Variants in VARS1 observed in about 807,000 individuals in gnomAD.
The protein encoded by VARS1 is valine--tRNA ligase.
A neutral mutation model predicts 161.0 loss-of-function variants in VARS1; 92 were observed. The ratio of observed to expected loss-of-function variants is 0.57; its 90% CI spans 0.48 to 0.68. The LOEUF (loss-of-function observed/expected upper bound fraction) is 0.68. VARS1 is among the 30% of genes least tolerant of loss of function. The pLI is 0.00. For missense variants in VARS1, 1,338 were observed against 1,695.9 expected (o/e 0.79, Z 3.71); for synonymous variants, 595 against 682.5 (o/e 0.87, Z 2.00).
intron 2 of VARS1, among the ~76,000 whole-genome samples, chr6:31,794,392 G>A (rs1814116986): frequency 6.6e-6 from 1 of 152,116 alleles, no homozygotes; most frequent in South Asian, 2.1e-4. Flanking sequence ...ATCTGGCAGG[G>A]TTATCTCTCC....
intron 2 of VARS1, among the ~76,000 whole-genome samples, chr6:31,793,519 C>G (rs962536496): frequency 5.3e-5 from 8 of 150,600 alleles, no homozygotes; most frequent in African/African-American, 1.9e-4. Context: ...AAAAAAAAAA[C>G]AAAACACTTC....
chr6:31,794,847 G>A lies in VARS1; in HGVS notation c.371C>T (p.Ser124Leu), dbSNP rs138258006. Residue 124 changes from serine to leucine, a missense_variant, in exon 2 of 30, where the codon TCG becomes TTG. Physicochemically the swap from Ser to Leu is moderately radical, Grantham distance 145. This residue lies in a region of VARS1 where 902 missense variants were observed against 1,090.3 expected (regional missense o/e 0.83). Coordinates refer to ENST00000375663, the MANE Select transcript of VARS1 (RefSeq NM_006295.3). ...ATLPALGLRS[S>L]AQDPQAVLGA... The stretch of plus-strand genomic sequence containing the variant: ...CCCCCTCACCTGGGGGTCCTGGGCC[G>A]AGCTTCGGAGTCCCAGGGCCGGCAG... 5.0e-4 allele frequency: 809 copies of A among 1,604,448 alleles called. No homozygotes were observed. Among genetic ancestry groups the A allele is most frequent in the Non-Finnish European group, 6.7e-4 (792 of 1,173,796 alleles).
Position 31,777,876 on chromosome 6 carries a change from G to A in VARS1, c.3727-214C>T. ...GGGTCTTGCCTTTTTCCACCAAGTG[G>A]TGAGTCCCCAAGAACAAAGGAACCT... On this transcript the variant is annotated intron_variant, in intron 29 of 29. Coordinates refer to ENST00000375663, the MANE Select transcript of VARS1 (RefSeq NM_006295.3). The surrounding 1 kb of genome is among the most constrained non-coding windows in gnomAD (Gnocchi z 5.8). 1.6e-6 allele frequency: 1 copy of A among 608,728 alleles called. No individual in the cohort carries two copies. The highest frequency in any genetic ancestry group is 2.9e-6 in the Non-Finnish European group (1 of 343,148). 37.7% of individuals were successfully genotyped at this position (608,728 alleles called of 1,614,324 possible).
chr6:31,784,121 T>C lies in VARS1; in HGVS notation c.1671+93A>G. On this transcript the variant is annotated intron_variant, in intron 13 of 29. Coordinates refer to ENST00000375663, the MANE Select transcript of VARS1 (RefSeq NM_006295.3). The surrounding 1 kb of genome is among the most constrained non-coding windows in gnomAD (Gnocchi z 6.1). Reference sequence around the variant, plus strand: ...CAGTTTCTAACCCAGTTTCCTCTCCTCAGCCAGGGGCCTAAGTCCAACCCC... The same window carrying C: ...CAGTTTCTAACCCAGTTTCCTCTCCCCAGCCAGGGGCCTAAGTCCAACCCC... 6.9e-7 allele frequency: 1 copy of C among 1,441,410 alleles called. No individual in the cohort carries two copies. The highest frequency in any genetic ancestry group is 9.6e-7 in the Non-Finnish European group (1 of 1,041,888). The allele number at this position is 1,441,410 out of a possible 1,614,324, so 89.3% of individuals were successfully genotyped here.
Position 31,784,804 on chromosome 6 carries a change from AC to A in VARS1, c.1348-91del. ...AGGGCTCCAGTGAGGCCTTGCCCAT[AC>A]AGAGTCCCACTGGCCAGCACAAAGA... is the stretch of plus-strand genomic sequence containing the variant. On this transcript the variant is annotated intron_variant, in intron 10 of 29. Transcript: ENST00000375663. This position sits in a 1 kb window ranked among gnomAD's most constrained non-coding sequence, Gnocchi z 6.1. The A allele has an allele frequency of 1.3e-6, 2 of 1,576,764 alleles. No homozygotes were observed. The highest frequency in any genetic ancestry group is 1.7e-6 in the Non-Finnish European group (2 of 1,158,444).
Position 31,791,727 on chromosome 6 carries a change from AC to A in VARS1, c.982del (p.Val328CysfsTer11). 1.2e-6 allele frequency: 2 copies of A among 1,613,066 alleles called. No individual in the cohort carries two copies. Among genetic ancestry groups the A allele is most frequent in the Non-Finnish European group, 1.7e-6 (2 of 1,180,008 alleles). On this transcript the variant is annotated frameshift_variant, in exon 8 of 30. Transcript: ENST00000375663. LOFTEE classifies it high-confidence loss of function. The surrounding 1 kb of genome is among the most constrained non-coding windows in gnomAD (Gnocchi z 5.0). ...GACACCTCGGGGATTTGCTGCTGACACATTAGGACGCTGATGGTGGAGAAGG... is the reference window on the plus strand; with the variant it reads ...GACACCTCGGGGATTTGCTGCTGACAATTAGGACGCTGATGGTGGAGAAGG... Reference protein sequence around the residue: ...FFKPEYGRPNVSAANPRGVFM... With the variant: ...FFKPEYGRPNXSAANPRGVFM...
In VARS1 at chr6:31,784,351, C is replaced by T. The variant is rs750176228; in HGVS notation, c.1576+43G>A. Reference sequence around the variant, plus strand: ...CTTGTGGTCTTGGCCTTGGCCCCTTCCTGCCACTCCCAGCCCAGGATCCTG... The same window carrying T: ...CTTGTGGTCTTGGCCTTGGCCCCTTTCTGCCACTCCCAGCCCAGGATCCTG... On this transcript the variant is annotated intron_variant, in intron 12 of 29. Transcript: ENST00000375663. This position sits in a 1 kb window ranked among gnomAD's most constrained non-coding sequence, Gnocchi z 6.1. 6 of 1,614,198 alleles carry T rather than the reference C, an allele frequency of 3.7e-6. No individual in the cohort carries two copies. Among genetic ancestry groups the T allele is most frequent in the Admixed American group, 1.7e-5 (1 of 60,028 alleles).
chr6:31,777,711 A>T lies in VARS1; in HGVS notation c.3727-49T>A. ...TGAGGACCCAGGTCCAAGTGAAGAG[A>T]CCCCCAAACACCCAGGACAACAAAG... is the stretch of plus-strand genomic sequence containing the variant. On this transcript the variant is annotated intron_variant, in intron 29 of 29. Coordinates refer to ENST00000375663, the MANE Select transcript of VARS1 (RefSeq NM_006295.3). This position sits in a 1 kb window ranked among gnomAD's most constrained non-coding sequence, Gnocchi z 5.8. 6.3e-7 allele frequency: 1 copy of T among 1,583,776 alleles called. No homozygotes were observed. The highest frequency in any genetic ancestry group is 8.6e-7 in the Non-Finnish European group (1 of 1,162,250).
intron 2 of VARS1, among the ~76,000 whole-genome samples, chr6:31,793,338 C>T (rs984027072): frequency 6.6e-6 from 1 of 151,992 alleles, no homozygotes; most frequent in Non-Finnish European, 1.5e-5. Context: ...CTCATCTCTA[C>T]TAAAAATACA....
chr6:31,783,061 T>C (rs1581641171), intron 14 of VARS1, 35 bp downstream of exon 14: 1 of 1,607,516 alleles, frequency 6.2e-7, no homozygotes, highest in Non-Finnish European at 8.5e-7. Flanking sequence ...AGCTCCAGTC[T>C]TTTCCTCTCC....
rs932437475 is a variant in VARS1, at chr6:31,781,811, C to G, written c.2347+36G>C. 3.1e-6 allele frequency: 5 copies of G among 1,613,004 alleles called. No individual in the cohort carries two copies. Among genetic ancestry groups the G allele is most frequent in the East Asian group, 2.2e-5 (1 of 44,884 alleles). On this transcript the variant is annotated intron_variant, in intron 19 of 29. Transcript: ENST00000375663. This position sits in a 1 kb window ranked among gnomAD's most constrained non-coding sequence, Gnocchi z 6.8. ...TCAGAGGGAGTGGAGCTCTGCCCCCCACAACTCCCTCCAGACCCTCAAAGC... is the reference window on the plus strand; with the variant it reads ...TCAGAGGGAGTGGAGCTCTGCCCCCGACAACTCCCTCCAGACCCTCAAAGC...
At position 31,785,601 on chromosome 6, in the gene VARS1, G is replaced by T; in HGVS notation, c.1233C>A (p.Ala411=). 1 of 1,612,312 alleles carries T rather than the reference G, an allele frequency of 6.2e-7. No homozygotes were observed. The highest frequency in any genetic ancestry group is 8.5e-7 in the Non-Finnish European group (1 of 1,179,692). The change falls in exon 9 of 30, where the codon GCC becomes GCA. Residue 411 remains alanine, a synonymous_variant. Coordinates refer to ENST00000375663, the MANE Select transcript of VARS1 (RefSeq NM_006295.3). This position sits in a 1 kb window ranked among gnomAD's most constrained non-coding sequence, Gnocchi z 6.1. ...TCCACTTCCAGACTTCCTGTAGAAA[G>T]GCCTCGCGGCCCAGCTGGTGCCGGC... ...GLSRHQLGRE[A]FLQEVWKWKE...
Position 31,781,244 on chromosome 6 carries a change from A to G in VARS1, c.2545-121T>C. The G allele has an allele frequency of 7.8e-7, 1 of 1,276,930 alleles. No individual in the cohort carries two copies. The highest frequency in any genetic ancestry group is 1.3e-5 in the South Asian group (1 of 78,926). The allele number at this position is 1,276,930 out of a possible 1,614,324, so 79.1% of individuals were successfully genotyped here. On this transcript the variant is annotated intron_variant, in intron 21 of 29. Coordinates refer to ENST00000375663, the MANE Select transcript of VARS1 (RefSeq NM_006295.3). This position sits in a 1 kb window ranked among gnomAD's most constrained non-coding sequence, Gnocchi z 6.8. ...ACCTCAGGTCCCACTGAGTGTCCCC[A>G]AGAGCTCGTTGAGCGCCTTTATGTG...
intron 8 of VARS1, among the ~76,000 whole-genome samples, chr6:31,786,842 T>A (rs1233468888): frequency 6.6e-6 from 1 of 152,014 alleles, no homozygotes; most frequent in African/African-American, 2.4e-5. Flanking sequence ...AAAATAAGGA[T>A]AAACTATTCA....
rs369119875 is a variant in VARS1 at position 31,782,206 on chromosome 6, G to C, written c.2151-29C>G. 1.0e-4 allele frequency: 164 copies of C among 1,612,276 alleles called. No homozygotes were observed. The highest frequency in any genetic ancestry group is 1.3e-4 in the Non-Finnish European group (154 of 1,179,166). ...CAAATGTCGGGGAGGAGAAATCAGG[G>C]AGGGCCTGATGGAGCCTGGCCCGAG... On this transcript the variant is annotated intron_variant, in intron 17 of 29. Coordinates refer to ENST00000375663, the MANE Select transcript of VARS1 (RefSeq NM_006295.3). The surrounding 1 kb of genome is among the most constrained non-coding windows in gnomAD (Gnocchi z 8.3).
intron 4 of VARS1, 42 bp downstream of exon 4, chr6:31,792,715 C>A: frequency 6.2e-7 from 1 of 1,610,774 alleles, no homozygotes; most frequent in African/African-American, 1.3e-5. Flanking sequence ...CATGGAAGGC[C>A]CCAGGGAAGC....
In VARS1 at chr6:31,795,027, G is replaced by A; in HGVS notation, c.191C>T (p.Pro64Leu). 1.9e-6 allele frequency: 3 copies of A among 1,577,468 alleles called. No individual in the cohort carries two copies. The highest frequency in any genetic ancestry group is 2.6e-6 in the Non-Finnish European group (3 of 1,158,778). ...GGCCCCCCACACCCAGAGCCCACCG[G>A]GCCCCTGCTCCAGGGCCGGCAGGCG... ...PPRLPALEQGPGGLWVWGATA... is the reference protein window; with the variant it reads ...PPRLPALEQGLGGLWVWGATA... The change falls in exon 2 of 30, where the codon CCC becomes CTC. Residue 64 changes from proline (P) to leucine (L), a missense_variant. This residue lies in a region of VARS1 where 902 missense variants were observed against 1,090.3 expected (regional missense o/e 0.83). Transcript: ENST00000375663. The surrounding 1 kb of genome is among the most constrained non-coding windows in gnomAD (Gnocchi z 6.9).
At chr6:31,787,293 C>T (rs1038979793) in intron 8 of VARS1, among the ~76,000 whole-genome samples, 3 of 151,910 alleles carry the variant, frequency 2.0e-5, no homozygotes, top group East Asian at 3.9e-4. Flanking sequence ...GGGAGTGTCT[C>T]ACATTTTATT....
In VARS1 at chr6:31,780,117, G is replaced by A. The variant is rs571597169; in HGVS notation, c.2962C>T (p.Arg988Cys). 42 of 1,614,036 alleles carry A rather than the reference G, an allele frequency of 2.6e-5. No individual in the cohort carries two copies. Among genetic ancestry groups the A allele is most frequent in the Non-Finnish European group, 3.2e-5 (38 of 1,180,018 alleles). Reference sequence around the variant, plus strand: ...CTCACAGCCTCTGTCAGGCGGCTGCGGATCCAGCGGTCCACCAGGCTCTCA... The same window carrying A: ...CTCACAGCCTCTGTCAGGCGGCTGCAGATCCAGCGGTCCACCAGGCTCTCA... ...GHESLVDRWI[R>C]SRLTEAVRLS... is the part of the protein sequence containing the mutation. Residue 988 changes from arginine to cysteine, a missense_variant, in exon 26 of 30, where the codon CGC becomes TGC. This residue lies in a region of VARS1 where 433 missense variants were observed against 586.2 expected (regional missense o/e 0.74). Coordinates refer to ENST00000375663, the MANE Select transcript of VARS1 (RefSeq NM_006295.3). The surrounding 1 kb of genome is among the most constrained non-coding windows in gnomAD (Gnocchi z 5.1).
Sources: gnomAD v4.1 joint callset for allele counts (sites outside exome capture counted in the v4.1 genomes callset) on GRCh38, gnomAD v4.1.1 for gene constraint, gnomAD v4.1.1 regional missense constraint, Gnocchi (gnomAD v3.1) non-coding constraint, MANE v1.5 for transcripts, NCBI Gene and HGNC (gene_info 2026-07-23, HGNC 2026-07-21) for gene names.